The following TREH variants were observed in gnomAD, a reference collection of about 807,000 sequenced individuals.
TREH encodes the protein trehalase.
TREH carries 69 observed loss-of-function variants against 80.5 expected under a neutral mutation model. The observed-to-expected ratio is 0.86, with a 90% CI of 0.71 to 1.05. TREH has a LOEUF of 1.05. Ranked by LOEUF, TREH falls within the 50% of genes least tolerant of loss-of-function variation. The pLI is 0.00. For synonymous variants in TREH, 309 were observed against 293.5 expected, an observed-to-expected ratio of 1.05 and a Z score of -0.54; for missense variants, 716 against 718.8, an observed-to-expected ratio of 1.00 and a Z score of 0.04.
chr11:118,668,664 G>A (rs1591834419), intron 1 of TREH, among the ~76,000 whole-genome samples: 3 of 152,024 alleles, frequency 2.0e-5, no homozygotes, highest in African/African-American at 2.4e-5. Flanking sequence ...TATGGGCTGG[G>A]CGCAGTGGCT....
chr11:118,664,924 T>C (rs1472733920), intron 1 of TREH, among the ~76,000 whole-genome samples: 1 of 151,440 alleles, frequency 6.6e-6, no homozygotes, highest in Non-Finnish European at 1.5e-5. Flanking sequence ...ACCTGGGCAA[T>C]ATGGTGAAAC....
At chr11:118,670,396 C>T (rs1330989737) in intron 1 of TREH, among the ~76,000 whole-genome samples, 2 of 152,196 alleles carry the variant, frequency 1.3e-5, no homozygotes. Flanking sequence ...CCCGTAGATC[C>T]CTTGTAGCAA....
chr11:118,658,878 G>T (rs56355107), intron 13 of TREH, 27 bp downstream of exon 13: 143 of 1,612,658 alleles, frequency 8.9e-5, no homozygotes, highest in Non-Finnish European at 1.1e-4. Flanking sequence ...CAGCCTGGGG[G>T]TGCAGGGAGG....
chr11:118,661,066 G>A lies in TREH; in HGVS notation c.857+94C>T, dbSNP rs963124923. The A allele has an allele frequency of 3.8e-6, 6 of 1,589,210 alleles. No homozygotes were observed. The Admixed American group carries it at 1.0e-4, about 28-fold the overall frequency. ...CTCGGTGTCACCATCTGAGAGGCCA[G>A]GCTAAGTCACTCCTCCTCCTGCCCG... On this transcript the variant is annotated intron_variant, in intron 8 of 14. Transcript: ENST00000264029. This position sits in a 1 kb window ranked among gnomAD's most constrained non-coding sequence, Gnocchi z 4.2.
chr11:118,659,895 A>AG lies in TREH; in HGVS notation c.1171dup (p.Leu391ProfsTer4). ...CCAGGCTCCGGTCTGCTCATCCCAC[A>AG]GGACTGTGTTCAGGGCGGCCAAGCG... On this transcript the variant is annotated frameshift_variant, in exon 11 of 15. Coordinates refer to ENST00000264029, the MANE Select transcript of TREH (RefSeq NM_007180.3). LOFTEE classifies it high-confidence loss of function. 1 of 1,551,822 alleles carries AG rather than the reference A, an allele frequency of 6.4e-7. No homozygotes were observed.
chr11:118,658,503 G>C (rs1163696600), intron 14 of TREH, 62 bp from the exon 15 acceptor site: 18 of 1,574,122 alleles, frequency 1.1e-5, no homozygotes, highest in Non-Finnish European at 1.6e-5. Flanking sequence ...GGTGGGGGCT[G>C]TGGGCTCTCT....
At chr11:118,670,586 A>T (rs1300561000) in intron 1 of TREH, among the ~76,000 whole-genome samples, 2 of 152,248 alleles carry the variant, frequency 1.3e-5, no homozygotes, top group African/African-American at 4.8e-5. Flanking sequence ...AATCTTGCCA[A>T]CAATGCCAGT....
At chr11:118,667,382 A>AT (rs2137274761) in intron 1 of TREH, among the ~76,000 whole-genome samples, 1 of 150,990 alleles carries the variant, frequency 6.6e-6, no homozygotes, top group East Asian at 2.0e-4. Flanking sequence ...GGGTCTCAAT[A>AT]TGTTGCCCAG....
rs1177735328 is a variant in TREH at position 118,659,804 on chromosome 11, G to A, written c.1263C>T (p.Leu421=). 6.3e-7 allele frequency: 1 copy of A among 1,581,898 alleles called. No homozygotes were observed. The highest frequency in any genetic ancestry group is 1.3e-5 in the African/African-American group (1 of 74,364). Residue 421 remains leucine, a synonymous_variant, in exon 11 of 15, where the codon CTC becomes CTT. Coordinates refer to ENST00000264029, the MANE Select transcript of TREH (RefSeq NM_007180.3). ...REFYPSNLTP[L]WAGCFSDPGV... is the part of the protein sequence containing the mutation. ...CAGGGTCAGAGAAACACCCGGCCCA[G>A]AGTGGAGTGAGGTTGGATGGGTAAA...
chr11:118,678,033 C>T (rs565545753), intron 1 of TREH, among the ~76,000 whole-genome samples: 1 of 152,292 alleles, frequency 6.6e-6, no homozygotes, highest in East Asian at 1.9e-4. Context: ...GTCTCTGTCT[C>T]TAGTCTAACC....
chr11:118,671,349 A>G (rs1156482088), intron 1 of TREH, among the ~76,000 whole-genome samples: 1 of 152,072 alleles, frequency 6.6e-6, no homozygotes, highest in Non-Finnish European at 1.5e-5. Flanking sequence ...AAAATAATTG[A>G]AAAGAATCAA....
rs1555144944 is a variant in TREH at position 118,661,449 on chromosome 11, G to T, written c.678C>A (p.Leu226=). 3.7e-6 allele frequency: 6 copies of T among 1,613,862 alleles called. No homozygotes were observed. In the African/African-American group the frequency reaches 8.0e-5, roughly 22 times the overall value. Residue 226 remains leucine (L), a synonymous_variant, in exon 7 of 15, where the codon CTC becomes CTA. Transcript: ENST00000264029. The surrounding 1 kb of genome is among the most constrained non-coding windows in gnomAD (Gnocchi z 4.2). ...VYYLQRSQPP[L]LTLMMDCYLT... is the part of the protein sequence containing the mutation. ...AGTAGCAATCCATCATGAGGGTCAA[G>T]AGTGGGGGCTGGCTCCGCTGCAGGT...
chr11:118,663,821 G>A (rs1949352313), intron 1 of TREH, among the ~76,000 whole-genome samples: 1 of 152,154 alleles, frequency 6.6e-6, no homozygotes, highest in Non-Finnish European at 1.5e-5. Flanking sequence ...CCTGGGAGGT[G>A]CACTCAGTGG....
chr11:118,658,805 C>T (rs1949262190), intron 13 of TREH, 72 bp from the exon 14 acceptor site: 9 of 1,611,258 alleles, frequency 5.6e-6, no homozygotes, highest in Admixed American at 5.0e-5. Flanking sequence ...AACCAGAGCC[C>T]CTGGGGAGAA....
chr11:118,675,814 G>A (rs1343043540), intron 1 of TREH, among the ~76,000 whole-genome samples: 2 of 151,652 alleles, frequency 1.3e-5, no homozygotes, highest in African/African-American at 4.8e-5. Flanking sequence ...TGATTCTCAC[G>A]TCTTAGCCTC....
In TREH at chr11:118,674,387, C is replaced by G. The variant is rs1182243165; in HGVS notation, c.89+5152G>C. Among the ~76,000 whole-genome samples, 1 of 152,132 alleles carries G rather than the reference C, an allele frequency of 6.6e-6. No homozygotes were observed. Among genetic ancestry groups the G allele is most frequent in the Non-Finnish European group, 1.5e-5 (1 of 68,020 alleles). ...CATTTGGAATGTCTAATCAATATTG[C>G]TTGATGAGTGGATTTCCATACCTTC... is the stretch of plus-strand genomic sequence containing the variant. On this transcript the variant is annotated intron_variant, in intron 1 of 14. Coordinates refer to ENST00000264029, the MANE Select transcript of TREH (RefSeq NM_007180.3). The surrounding 1 kb of genome is among the most constrained non-coding windows in gnomAD (Gnocchi z 4.4).
intron 1 of TREH, among the ~76,000 whole-genome samples, chr11:118,663,894 A>G (rs1414274556): frequency 6.6e-6 from 1 of 152,120 alleles, no homozygotes; most frequent in Non-Finnish European, 1.5e-5. Context: ...TTTGAGAGAC[A>G]ATTACTAGCT....
chr11:118,669,081 G>T (rs553517900), intron 1 of TREH, among the ~76,000 whole-genome samples: 3 of 152,122 alleles, frequency 2.0e-5, no homozygotes, highest in Admixed American at 6.6e-5. Flanking sequence ...TGGCAAACAA[G>T]CAAATGAAAA....
At chr11:118,670,441 A>G (rs1227416606) in intron 1 of TREH, among the ~76,000 whole-genome samples, 30 of 152,234 alleles carry the variant, frequency 2.0e-4, no homozygotes, top group Admixed American at 2.0e-3. Flanking sequence ...TGCATTTGGG[A>G]TAGCATTTTT....
Sources: allele counts gnomAD v4.1 joint callset (sites outside exome capture counted in the v4.1 genomes callset), GRCh38; gene constraint gnomAD v4.1.1; non-coding constraint Gnocchi (gnomAD v3.1); transcripts MANE v1.5; gene names NCBI Gene and HGNC (gene_info 2026-07-23, HGNC 2026-07-21).